Variants in COLEC12 observed in about 807,000 individuals in gnomAD.
COLEC12 encodes collectin-12.
COLEC12 carries 33 observed loss-of-function variants against 71.1 expected under a neutral mutation model. That is an observed-to-expected ratio of 0.46 (90% CI 0.35 to 0.62). The LOEUF is 0.62. COLEC12 is among the 20% of genes least tolerant of loss of function. The pLI, the probability that COLEC12 is intolerant of heterozygous loss-of-function variation, is 0.00. For synonymous variants in COLEC12, 350 were observed against 353.0 expected (o/e 0.99, Z 0.10); for missense variants, 765 against 916.1 (o/e 0.84, Z 2.13).
chr18:337,294 C>T (rs1914140986), intron 5 of COLEC12, among the ~76,000 whole-genome samples: 1 of 152,200 alleles, frequency 6.6e-6, no homozygotes, highest in African/African-American at 2.4e-5. Flanking sequence ...GCCTCCCTCT[C>T]CCATTGGTCT....
chr18:395,181 CCTCACGCT>C (rs1212242533), intron 2 of COLEC12, among the ~76,000 whole-genome samples: 1 of 152,218 alleles, frequency 6.6e-6, no homozygotes, highest in Non-Finnish European at 1.5e-5. Context: ...AGGACTCAGA[CCTCACGCT>C]CTGCTGATGA....
chr18:473,152 T>C (rs1917234206), intron 2 of COLEC12, among the ~76,000 whole-genome samples: 2 of 152,308 alleles, frequency 1.3e-5, no homozygotes, highest in East Asian at 1.9e-4. Context: ...GAATCAGGAC[T>C]GTCTCACTCG....
intron 8 of COLEC12, among the ~76,000 whole-genome samples, chr18:326,410 C>T (rs1054256820): frequency 6.6e-6 from 1 of 152,160 alleles, no homozygotes. Flanking sequence ...TGCTGTGGTG[C>T]GATGTCAGCT....
intron 1 of COLEC12, among the ~76,000 whole-genome samples, chr18:484,573 C>T (rs1917484372): frequency 6.6e-6 from 1 of 152,160 alleles, no homozygotes; most frequent in Non-Finnish European, 1.5e-5. Context: ...CAGTCTCTCT[C>T]AATGTTTTTG....
chr18:456,581 C>T (rs1916876464), intron 2 of COLEC12, among the ~76,000 whole-genome samples: 1 of 152,246 alleles, frequency 6.6e-6, no homozygotes. Flanking sequence ...TCCCACACCT[C>T]CGCTTAGGAA....
chr18:353,599 T>C (rs943668774), intron 3 of COLEC12, among the ~76,000 whole-genome samples: 14 of 152,246 alleles, frequency 9.2e-5, no homozygotes, highest in African/African-American at 2.9e-4. Context: ...GTATCTGCCA[T>C]GTAGGTGGCA....
chr18:373,309 G>A (rs758323833), intron 2 of COLEC12, among the ~76,000 whole-genome samples: 2 of 152,144 alleles, frequency 1.3e-5, no homozygotes, highest in Non-Finnish European at 2.9e-5. Context: ...CGCTGGAAAG[G>A]GAACACCTTG....
chr18:326,900 G>T (rs1329509846), intron 8 of COLEC12, among the ~76,000 whole-genome samples: 1 of 152,204 alleles, frequency 6.6e-6, no homozygotes, highest in African/African-American at 2.4e-5. Context: ...TGTATCCACA[G>T]TTAGGGTTGC....
chr18:427,798 G>A (rs1916226410), intron 2 of COLEC12, among the ~76,000 whole-genome samples: 1 of 152,014 alleles, frequency 6.6e-6, no homozygotes, highest in South Asian at 2.1e-4. Flanking sequence ...GGAGACCCTA[G>A]GCCCACCTCA....
chr18:369,385 C>CTTTTTTT (rs55923005), intron 2 of COLEC12, among the ~76,000 whole-genome samples: 1 of 136,188 alleles, frequency 7.3e-6, no homozygotes, highest in Non-Finnish European at 1.6e-5. Flanking sequence ...TGATACAGAT[C>CTTTTTTT]TTTTTTTTTT....
intron 2 of COLEC12, among the ~76,000 whole-genome samples, chr18:431,997 ACTC>A (rs1916313692): frequency 6.6e-6 from 1 of 152,014 alleles, no homozygotes; most frequent in Non-Finnish European, 1.5e-5. Context: ...AGCCCCCCAC[ACTC>A]TAAATCATTT....
chr18:359,549 C>T (rs1026759273), intron 2 of COLEC12, among the ~76,000 whole-genome samples: 1 of 152,156 alleles, frequency 6.6e-6, no homozygotes, highest in Non-Finnish European at 1.5e-5. Flanking sequence ...GCTAAAAGGT[C>T]GTTTTTGAAA....
Position 500,377 on chromosome 18 carries a change from C to T in COLEC12, c.7+131G>A. On this transcript the variant is annotated intron_variant, in intron 1 of 9. Transcript: ENST00000400256. This position sits in a 1 kb window ranked among gnomAD's most constrained non-coding sequence, Gnocchi z 5.3. ...CCAGTGTCCGCGCACGAACCCGGCG[C>T]CCTGGCAGCCCCGACTCCCCGGGCC... 1 of 586,216 alleles carries T rather than the reference C, an allele frequency of 1.7e-6. No individual in the cohort carries two copies. The highest frequency in any genetic ancestry group is 2.5e-6 in the Non-Finnish European group (1 of 405,548). The allele number at this position is 586,216 out of a possible 1,614,324, so 36.3% of individuals were successfully genotyped here. A position where few individuals can be genotyped will look rare whatever the true frequency, so the allele number is the denominator to read the frequency against.
chr18:357,993 C>T (rs186531988), intron 2 of COLEC12, among the ~76,000 whole-genome samples: 5 of 152,342 alleles, frequency 3.3e-5, no homozygotes, highest in Non-Finnish European at 5.9e-5. Context: ...GCATTAGATT[C>T]TCTTAGGAGC....
intron 2 of COLEC12, among the ~76,000 whole-genome samples, chr18:463,611 AC>A (rs1226249825): frequency 6.6e-6 from 1 of 151,888 alleles, no homozygotes; most frequent in Non-Finnish European, 1.5e-5. Flanking sequence ...TCCCCACCTG[AC>A]CCTTCGGATC....
intron 2 of COLEC12, among the ~76,000 whole-genome samples, chr18:377,612 T>C (rs767804765): frequency 2.0e-5 from 3 of 152,086 alleles, no homozygotes; most frequent in African/African-American, 4.8e-5. Context: ...CCCAAAACAT[T>C]TGGGAGAAGT....
Position 317,826 on chromosome 18 carries a change from G to A in COLEC12, c.*2219C>T, listed in dbSNP as rs1476341732. 1.3e-5 allele frequency: 2 copies of A among 152,248 alleles called. No homozygotes were observed. The highest frequency in any genetic ancestry group is 2.9e-5 in the Non-Finnish European group (2 of 68,082). 9.4% of individuals were successfully genotyped at this position (152,248 alleles called of 1,614,324 possible). On this transcript the variant is annotated 3_prime_UTR_variant, in exon 10 of 10. Transcript: ENST00000400256. ...CAGCAGTTTAGGCCCAGAGGACTGTGGGTCCCACCTGCCTGACAGCAGGGC... is the reference window on the plus strand; with the variant it reads ...CAGCAGTTTAGGCCCAGAGGACTGTAGGTCCCACCTGCCTGACAGCAGGGC...
chr18:483,980 T>C (rs3922827), intron 1 of COLEC12, among the ~76,000 whole-genome samples: 96,137 of 151,978 alleles, frequency 0.63, 31,039 homozygotes, highest in African/African-American at 0.74. Flanking sequence ...CACTCACACT[T>C]AGGCACTGTG....
rs551939855 is a variant in COLEC12 at position 422,545 on chromosome 18, C to T, written c.58+58162G>A. On this transcript the variant is annotated intron_variant, in intron 2 of 9. Coordinates refer to ENST00000400256, the MANE Select transcript of COLEC12 (RefSeq NM_130386.3). Reference sequence around the variant, plus strand: ...TTAAAAGAAAAATTCAAACAAGGAGCAATATATAAGGTAAAAATGTGAGTT... The same window carrying T: ...TTAAAAGAAAAATTCAAACAAGGAGTAATATATAAGGTAAAAATGTGAGTT... 2.3e-4 allele frequency among the ~76,000 whole-genome samples: 35 copies of T among 152,234 alleles called. 1 individual carries two copies. Among genetic ancestry groups the T allele is most frequent in the African/African-American group, 7.2e-4 (30 of 41,540 alleles).
Sources: allele counts gnomAD v4.1 joint callset (sites outside exome capture counted in the v4.1 genomes callset), GRCh38; gene constraint gnomAD v4.1.1; non-coding constraint Gnocchi (gnomAD v3.1); transcripts MANE v1.5; gene names NCBI Gene and HGNC (gene_info 2026-07-23, HGNC 2026-07-21).